The following CSMD1 variants were observed in gnomAD, a reference collection of about 807,000 sequenced individuals.
CSMD1 encodes CUB and Sushi multiple domains 1, also known as CUB and sushi domain-containing protein 1.
CSMD1 carries 213 observed loss-of-function variants against 417.5 expected under a neutral mutation model. That is an observed-to-expected ratio of 0.51 (90% CI 0.46 to 0.57). The LOEUF is 0.57. Among genes scored for constraint, CSMD1 ranks in the 20% least tolerant of loss-of-function variants. The probability of loss-of-function intolerance (pLI) is 0.00; values close to 1 mark genes in which losing one functional copy is unlikely to be tolerated. For synonymous variants in CSMD1, 2,862 were observed against 1,736.8 expected (o/e 1.65, Z -16.11); for missense variants, 6,923 against 4,529.7 (o/e 1.53, Z -15.17).
intron 5 of CSMD1, among the ~76,000 whole-genome samples, chr8:3,808,482 T>C (rs1800875890): frequency 6.6e-6 from 1 of 152,210 alleles, no homozygotes; most frequent in Non-Finnish European, 1.5e-5. Flanking sequence ...TTCAGTAATA[T>C]GTTTTCTGCC....
intron 2 of CSMD1, among the ~76,000 whole-genome samples, chr8:4,582,023 C>T (rs1356112442): frequency 2.0e-5 from 3 of 151,934 alleles, no homozygotes; most frequent in Non-Finnish European, 2.9e-5. Context: ...TGAAATGAAA[C>T]AGCATCGCAG....
At chr8:4,464,577 G>A (rs140807424) in intron 2 of CSMD1, among the ~76,000 whole-genome samples, 1 of 152,034 alleles carries the variant, frequency 6.6e-6, no homozygotes, top group South Asian at 2.1e-4. Flanking sequence ...GTACTCAACG[G>A]GTGGTTTCTA....
At chr8:3,354,548 A>G (rs1808615743) in intron 21 of CSMD1, among the ~76,000 whole-genome samples, 2 of 152,168 alleles carry the variant, frequency 1.3e-5, no homozygotes, top group Admixed American at 1.3e-4. Flanking sequence ...AGAAGTCTAT[A>G]TTAATCAAAA....
intron 3 of CSMD1, among the ~76,000 whole-genome samples, chr8:4,119,615 C>G (rs1298530588): frequency 6.6e-6 from 1 of 152,020 alleles, no homozygotes; most frequent in East Asian, 1.9e-4. Context: ...ACCAGGACTT[C>G]TGCTCTGTCT....
chr8:4,430,522 TAC>T (rs2128946665), intron 2 of CSMD1, among the ~76,000 whole-genome samples: 1 of 152,188 alleles, frequency 6.6e-6, no homozygotes, highest in Non-Finnish European at 1.5e-5. Flanking sequence ...CCTAAGAAAT[TAC>T]ACTCTGATAG....
At chr8:4,226,322 C>T (rs1023322455) in intron 3 of CSMD1, among the ~76,000 whole-genome samples, 1 of 152,084 alleles carries the variant, frequency 6.6e-6, no homozygotes, top group African/African-American at 2.4e-5. Flanking sequence ...GAATTAGAGA[C>T]CATCAAATAC....
chr8:4,023,650 G>T (rs1187748255), intron 4 of CSMD1, among the ~76,000 whole-genome samples: 1 of 148,290 alleles, frequency 6.7e-6, no homozygotes, highest in Non-Finnish European at 1.5e-5. Flanking sequence ...GCAGTGGCGC[G>T]ATCTCGGCTC....
chr8:4,688,644 G>A (rs1806561617), intron 1 of CSMD1, among the ~76,000 whole-genome samples: 1 of 151,992 alleles, frequency 6.6e-6, no homozygotes, highest in Non-Finnish European at 1.5e-5. Flanking sequence ...CATTTGGGGG[G>A]GTCTTTACCT....
chr8:4,662,181 TA>T (rs1177442942), intron 1 of CSMD1, among the ~76,000 whole-genome samples: 2 of 152,176 alleles, frequency 1.3e-5, no homozygotes, highest in African/African-American at 4.8e-5. Context: ...ATTAAATCCT[TA>T]AACAGGGTCT....
intron 3 of CSMD1, among the ~76,000 whole-genome samples, chr8:4,042,769 C>T (rs1797955476): frequency 7.6e-6 from 1 of 132,280 alleles, no homozygotes; most frequent in African/African-American, 2.8e-5. Context: ...AAGGAGAGCA[C>T]ATTGCTGTAT....
intron 3 of CSMD1, among the ~76,000 whole-genome samples, chr8:4,292,592 C>G (rs915651537): frequency 2.0e-5 from 3 of 152,150 alleles, no homozygotes; most frequent in Non-Finnish European, 2.9e-5. Context: ...TAACAACCCA[C>G]TATAAGATTA....
intron 3 of CSMD1, among the ~76,000 whole-genome samples, chr8:4,390,668 C>A (rs1293479251): frequency 2.0e-5 from 3 of 151,932 alleles, no homozygotes; most frequent in Admixed American, 6.6e-5. Context: ...CACCCCCCAC[C>A]ACGCCCGGCT....
At chr8:3,456,243 G>T (rs977023647) in intron 12 of CSMD1, among the ~76,000 whole-genome samples, 2 of 152,118 alleles carry the variant, frequency 1.3e-5, no homozygotes, top group African/African-American at 4.8e-5. Flanking sequence ...GGAATTCCCT[G>T]ACCGCTTGCT....
chr8:3,070,361 G>A (rs544525417), intron 49 of CSMD1, among the ~76,000 whole-genome samples: 54 of 152,248 alleles, frequency 3.5e-4, no homozygotes, highest in African/African-American at 1.2e-3. Context: ...AAACTTTTAT[G>A]CATTGCTTCC....
At chr8:4,606,606 A>G (rs964892746) in intron 2 of CSMD1, among the ~76,000 whole-genome samples, 1 of 152,182 alleles carries the variant, frequency 6.6e-6, no homozygotes, top group African/African-American at 2.4e-5. Flanking sequence ...AACCACTTGA[A>G]ATTAGCAAAA....
intron 3 of CSMD1, among the ~76,000 whole-genome samples, chr8:4,324,308 C>T (rs953451240): frequency 2.6e-5 from 4 of 152,162 alleles, no homozygotes; most frequent in Non-Finnish European, 4.4e-5. Flanking sequence ...ATTAACTAAA[C>T]AGCAACCTCG....
At chr8:3,654,571 G>GAA (rs928245214) in intron 7 of CSMD1, among the ~76,000 whole-genome samples, 6 of 152,264 alleles carry the variant, frequency 3.9e-5, no homozygotes, top group African/African-American at 1.4e-4. Context: ...TTTAGGAGAA[G>GAA]AAAAAATTGT....
intron 3 of CSMD1, among the ~76,000 whole-genome samples, chr8:4,364,130 G>T (rs1186017641): frequency 6.6e-6 from 1 of 152,128 alleles, no homozygotes; most frequent in South Asian, 2.1e-4. Flanking sequence ...TGCATTGCAT[G>T]CCTGTATCAA....
chr8:3,682,130 G>C (rs1799696890), intron 7 of CSMD1, among the ~76,000 whole-genome samples: 1 of 152,134 alleles, frequency 6.6e-6, no homozygotes, highest in Non-Finnish European at 1.5e-5. Flanking sequence ...CATAGGCATG[G>C]GCAAGGACTT....
Sources: allele counts gnomAD v4.1 joint callset (sites outside exome capture counted in the v4.1 genomes callset), GRCh38; gene constraint gnomAD v4.1.1; transcripts MANE v1.5; gene names NCBI Gene and HGNC (gene_info 2026-07-23, HGNC 2026-07-21).